Variants in LMNA observed in about 807,000 individuals in gnomAD.
LMNA encodes the protein lamin A/C, also known as lamin.
LMNA carries 20 observed loss-of-function variants against 70.4 expected under a neutral mutation model. That is an observed-to-expected ratio of 0.28 (90% CI 0.20 to 0.41). The LOEUF (loss-of-function observed/expected upper bound fraction) is 0.41. LMNA is among the 10% of genes least tolerant of loss of function. The pLI, the probability that LMNA is intolerant of heterozygous loss-of-function variation, is 1.00. For missense variants in LMNA, 652 were observed against 917.2 expected (o/e 0.71, Z 3.73); for synonymous variants, 339 against 372.8 (o/e 0.91, Z 1.04).
In LMNA at chr1:156,115,364, G is replaced by A. The variant is rs1168711348; in HGVS notation, c.356+90G>A. On this transcript the variant is annotated intron_variant, in intron 1 of 11. Transcript: ENST00000368300. This position sits in a 1 kb window ranked among gnomAD's most constrained non-coding sequence, Gnocchi z 5.8. ...GGCCGGCCGCAGGAAGGGAGTGAGA[G>A]GGCCTGGAGGCCGATAACTTTGCCA... is the stretch of plus-strand genomic sequence containing the variant. 6 of 1,186,530 alleles carry A rather than the reference G, an allele frequency of 5.1e-6. No homozygotes were observed. In the East Asian group the frequency reaches 1.3e-4, roughly 25 times the overall value. 73.5% of individuals were successfully genotyped at this position (1,186,530 alleles called of 1,614,324 possible). A position where few individuals can be genotyped will look rare whatever the true frequency, so the allele number is the denominator to read the frequency against.
intron 1 of LMNA, among the ~76,000 whole-genome samples, chr1:156,117,298 G>T (rs1649900700): frequency 1.3e-5 from 2 of 150,960 alleles, no homozygotes; most frequent in South Asian, 4.2e-4. Flanking sequence ...ACAGTAGTGT[G>T]ACCTCAGGTC....
At chr1:156,085,098 C>G (rs975460254) in intron 2 of LMNA, among the ~76,000 whole-genome samples, 2 of 152,152 alleles carry the variant, frequency 1.3e-5, no homozygotes, top group African/African-American at 4.8e-5. Context: ...CACTGGGACT[C>G]CAGACAAATT....
At chr1:156,089,801 C>A (rs1648625386) in intron 2 of LMNA, among the ~76,000 whole-genome samples, 2 of 152,186 alleles carry the variant, frequency 1.3e-5, no homozygotes, top group Non-Finnish European at 2.9e-5. Context: ...AGGTCCCCTG[C>A]ATTGTCTGAT....
In LMNA at chr1:156,136,238, C is replaced by T. The variant is rs1409406468; in HGVS notation, c.1182C>T (p.Thr394=). 3 of 1,612,174 alleles carry T rather than the reference C, an allele frequency of 1.9e-6. No individual in the cohort carries two copies. Among genetic ancestry groups the T allele is most frequent in the Middle Eastern group, 1.7e-4 (1 of 5,848 alleles). The change falls in exon 7 of 12, where the codon ACC becomes ACT. Residue 394 remains threonine, a synonymous_variant. Coordinates refer to ENST00000368300, the MANE Select transcript of LMNA (RefSeq NM_170707.4). This position sits in a 1 kb window ranked among gnomAD's most constrained non-coding sequence, Gnocchi z 6.1. Reference sequence around the variant, plus strand: ...GGCTACGCCTGTCCCCCAGCCCTACCTCGCAGCGCAGCCGTGGCCGTGCTT... The same window carrying T: ...GGCTACGCCTGTCCCCCAGCCCTACTTCGCAGCGCAGCCGTGGCCGTGCTT... The part of the protein sequence containing the change: ...EERLRLSPSP[T]SQRSRGRASS...
At chr1:156,120,934 C>A (rs1434006578) in intron 1 of LMNA, among the ~76,000 whole-genome samples, 1 of 151,748 alleles carries the variant, frequency 6.6e-6, no homozygotes, top group African/African-American at 2.4e-5. Flanking sequence ...TGCCTTTTGG[C>A]AGACCCATTA....
chr1:156,084,343 G>GGGGC, intron 2 of LMNA, among the ~76,000 whole-genome samples: 1 of 115,432 alleles, frequency 8.7e-6, no homozygotes, highest in South Asian at 3.4e-4. Context: ...GGTGGTGGGG[G>GGGGC]CAGTTGGCAC....
In LMNA at chr1:156,134,803, A is replaced by T; in HGVS notation, c.640-2A>T. On this transcript the variant is annotated splice_acceptor_variant, in intron 3 of 11. Transcript: ENST00000368300. LOFTEE classifies it high-confidence loss of function. This position sits in a 1 kb window ranked among gnomAD's most constrained non-coding sequence, Gnocchi z 5.3. ...TCTGTGTCCTTCCTCCAACCCTTCC[A>T]GGAGCTGCGTGAGACCAAGCGCCGT... 6.2e-7 allele frequency: 1 copy of T among 1,614,172 alleles called. No homozygotes were observed. The highest frequency in any genetic ancestry group is 8.5e-7 in the Non-Finnish European group (1 of 1,180,034).
At position 156,134,277 on chromosome 1, in the gene LMNA, C is replaced by T. The variant is rs1297533175; in HGVS notation, c.514-126C>T. ...TCCTGACCCCTGCAGGCATCCAAGG[C>T]CCTCCTTCCCTGGACCTGTTTCCAC... On this transcript the variant is annotated intron_variant, in intron 2 of 11. Transcript: ENST00000368300. This position sits in a 1 kb window ranked among gnomAD's most constrained non-coding sequence, Gnocchi z 5.3. 4 of 1,036,334 alleles carry T rather than the reference C, an allele frequency of 3.9e-6. No homozygotes were observed. The highest frequency in any genetic ancestry group is 5.8e-6 in the Non-Finnish European group (4 of 687,702). The allele number at this position is 1,036,334 out of a possible 1,614,324, so 64.2% of individuals were successfully genotyped here.
intron 1 of LMNA, among the ~76,000 whole-genome samples, chr1:156,119,116 T>A (rs1464201187): frequency 2.0e-5 from 3 of 151,940 alleles, no homozygotes; most frequent in Admixed American, 2.0e-4. Flanking sequence ...CAGCTAATTT[T>A]TTTTTTCTTT....
intron 2 of LMNA, among the ~76,000 whole-genome samples, chr1:156,084,335 T>TGGGGGGGGGGGGGGGGGG (rs1491154815): frequency 1.1e-5 from 1 of 91,638 alleles, no homozygotes; most frequent in African/African-American, 3.9e-5. Flanking sequence ...GGTCGGGGGG[T>TGGGGGGGGGGGGGGGGGG]GGTGGGGGCA....
rs1439087143 is a variant in LMNA, at chr1:156,135,675, C to A, written c.937-226C>A. The A allele has an allele frequency of 6.5e-5, 39 of 603,088 alleles. No homozygotes were observed. In the East Asian group the frequency reaches 1.0e-3, roughly 16 times the overall value. The allele number at this position is 603,088 out of a possible 1,614,324, so 37.4% of individuals were successfully genotyped here. Reference sequence around the variant, plus strand: ...TGTGACAGGAGAAAAAGTCTAGCCTCAGAACGAGAGGTTTCAGTTAGACAA... The same window carrying A: ...TGTGACAGGAGAAAAAGTCTAGCCTAAGAACGAGAGGTTTCAGTTAGACAA... On this transcript the variant is annotated intron_variant, in intron 5 of 11. Transcript: ENST00000368300. The surrounding 1 kb of genome is among the most constrained non-coding windows in gnomAD (Gnocchi z 4.8).
chr1:156,087,649 G>T (rs1052411757), intron 2 of LMNA, among the ~76,000 whole-genome samples: 2 of 152,044 alleles, frequency 1.3e-5, no homozygotes, highest in Admixed American at 1.3e-4. Flanking sequence ...GATCTCCCAG[G>T]ATAAAGTGAT....
At chr1:156,116,009 C>T (rs1374644525) in intron 1 of LMNA, among the ~76,000 whole-genome samples, 1 of 152,234 alleles carries the variant, frequency 6.6e-6, no homozygotes, top group African/African-American at 2.4e-5. Context: ...TCCCACAGCC[C>T]TTGGCCTGCT....
chr1:156,120,826 C>T (rs1036971782), intron 1 of LMNA, among the ~76,000 whole-genome samples: 11 of 152,132 alleles, frequency 7.2e-5, no homozygotes, highest in Admixed American at 2.6e-4. Context: ...GCCCCTCAAT[C>T]GTGAGACGGT....
chr1:156,101,442 T>C (rs2102799174), intron 3 of LMNA, among the ~76,000 whole-genome samples: 1 of 152,188 alleles, frequency 6.6e-6, no homozygotes, highest in South Asian at 2.1e-4. Flanking sequence ...CAGTGAGCTA[T>C]GATTGCACCA....
rs1651507216 is a variant in LMNA at position 156,135,701 on chromosome 1, G to A, written c.937-200G>A. ...AGAACGAGAGGTTTCAGTTAGACAA[G>A]GGGAAGGACTTCCCAGTTGCCAGCC... is the stretch of plus-strand genomic sequence containing the variant. On this transcript the variant is annotated intron_variant, in intron 5 of 11. Coordinates refer to ENST00000368300, the MANE Select transcript of LMNA (RefSeq NM_170707.4). This position sits in a 1 kb window ranked among gnomAD's most constrained non-coding sequence, Gnocchi z 4.8. 6.6e-6 allele frequency: 4 copies of A among 610,192 alleles called. 1 individual carries two copies. Among genetic ancestry groups the A allele is most frequent in the South Asian group, 5.9e-5 (3 of 50,624 alleles). The allele number at this position is 610,192 out of a possible 1,614,324, so 37.8% of individuals were successfully genotyped here.
At chr1:156,127,510 T>G (rs1014143770) in intron 1 of LMNA, among the ~76,000 whole-genome samples, 4 of 81,892 alleles carry the variant, frequency 4.9e-5, no homozygotes, top group African/African-American at 1.5e-4. Context: ...CCCCTTACTG[T>G]TTTTTTTTTT....
In LMNA at chr1:156,134,015, G is replaced by A. The variant is rs925822491; in HGVS notation, c.514-388G>A. ...AGAGAAGGGAGTCCTGTGGCTGGGG[G>A]GCATATATCTTTTCTTTTTGAGACA... is the stretch of plus-strand genomic sequence containing the variant. On this transcript the variant is annotated intron_variant, in intron 2 of 11. Transcript: ENST00000368300. The surrounding 1 kb of genome is among the most constrained non-coding windows in gnomAD (Gnocchi z 5.3). 5.4e-5 allele frequency among the ~76,000 whole-genome samples: 8 copies of A among 148,318 alleles called. No homozygotes were observed. Among genetic ancestry groups the A allele is most frequent in the Middle Eastern group, 7.0e-3 (2 of 286 alleles).
intron 1 of LMNA, among the ~76,000 whole-genome samples, chr1:156,128,895 G>A (rs906825579): frequency 6.6e-6 from 1 of 152,216 alleles, no homozygotes; most frequent in Admixed American, 6.5e-5. Context: ...AGCCCAAGGA[G>A]CTCGGAATCT....
Sources: allele counts gnomAD v4.1 joint callset (sites outside exome capture counted in the v4.1 genomes callset), GRCh38; gene constraint gnomAD v4.1.1; non-coding constraint Gnocchi (gnomAD v3.1); transcripts MANE v1.5; gene names NCBI Gene and HGNC (gene_info 2026-07-23, HGNC 2026-07-21).